Variants in RALA observed in about 807,000 individuals in gnomAD.
The protein encoded by RALA is RAS like proto-oncogene A.
RALA carries 5 observed loss-of-function variants against 24.0 expected under a neutral mutation model. The observed-to-expected ratio is 0.21, with a 90% confidence interval of 0.11 to 0.44. The LOEUF is 0.44. Among genes scored for constraint, RALA ranks in the 20% least tolerant of loss-of-function variants. The pLI is 0.99. For synonymous variants in RALA, 77 were observed against 83.8 expected (o/e 0.92, Z 0.44); for missense variants, 95 against 241.2 (o/e 0.39, Z 4.01).
In RALA at chr7:39,707,696, A is replaced by T. The variant is rs947283545; in HGVS notation, c.*1451A>T. 3 of 152,554 alleles carry T rather than the reference A, an allele frequency of 2.0e-5. No homozygotes were observed. Among genetic ancestry groups the T allele is most frequent in the Non-Finnish European group, 2.9e-5 (2 of 68,032 alleles). 9.5% of individuals were successfully genotyped at this position (152,554 alleles called of 1,614,324 possible). ...CAGTCCTAATTTGAACAGGTCAAAG[A>T]TGTGTTCAGGCATTCCAGGTAACAG... On this transcript the variant is annotated 3_prime_UTR_variant, in exon 5 of 5. Coordinates refer to ENST00000005257, the MANE Select transcript of RALA (RefSeq NM_005402.4).
intron 1 of RALA, among the ~76,000 whole-genome samples, chr7:39,660,341 CAA>C (rs35395402): frequency 1.3e-4 from 17 of 130,162 alleles, no homozygotes; most frequent in South Asian, 2.3e-4. Flanking sequence ...GACTCCATCT[CAA>C]AAAAAAAAAA....
At chr7:39,631,475 C>G (rs1397929206) in intron 1 of RALA, among the ~76,000 whole-genome samples, 2 of 152,220 alleles carry the variant, frequency 1.3e-5, no homozygotes, top group East Asian at 1.9e-4. Flanking sequence ...CCTCCTGCCT[C>G]AGCCACCCAA....
chr7:39,675,740 A>T (rs1001814705), intron 1 of RALA, among the ~76,000 whole-genome samples: 15 of 114,290 alleles, frequency 1.3e-4, no homozygotes, highest in East Asian at 2.3e-4. Context: ...CTGGGAAATT[A>T]AAAAAAAAAA....
In RALA at chr7:39,699,118, G is replaced by GTTTTTTTTTTTTTT. The variant is rs1209729467; in HGVS notation, c.498+2261_498+2262insTTTTTTTTTTTTTT. Among the ~76,000 whole-genome samples the GTTTTTTTTTTTTTT allele has an allele frequency of 9.5e-5, 8 of 84,136 alleles. 1 individual carries two copies. Among genetic ancestry groups the GTTTTTTTTTTTTTT allele is most frequent in the African/African-American group, 3.8e-4 (8 of 21,314 alleles). 55.2% of individuals were successfully genotyped at this position (84,136 alleles called of 152,430 possible). On this transcript the variant is annotated intron_variant, in intron 4 of 4. Transcript: ENST00000005257. ...ACCCAGCAATTTAAGTGCTAAAAAT[G>GTTTTTTTTTTTTTT]TTATTTTTTTTTTTTTTTTTTTTTT...
chr7:39,628,143 A>G (rs1791526340), intron 1 of RALA, among the ~76,000 whole-genome samples: 1 of 151,556 alleles, frequency 6.6e-6, no homozygotes, highest in African/African-American at 2.4e-5. Flanking sequence ...GTATACTCCT[A>G]CTGGTCCTTC....
intron 1 of RALA, among the ~76,000 whole-genome samples, chr7:39,670,924 C>T (rs1792370882): frequency 6.6e-6 from 1 of 152,056 alleles, no homozygotes; most frequent in African/African-American, 2.4e-5. Flanking sequence ...CTCTTCTCTC[C>T]CCTCCTACTC....
chr7:39,655,935 T>C (rs1285507959), intron 1 of RALA, among the ~76,000 whole-genome samples: 1 of 152,190 alleles, frequency 6.6e-6, no homozygotes, highest in Non-Finnish European at 1.5e-5. Flanking sequence ...GATTTTCACC[T>C]ATGAGCAATG....
At position 39,690,586 on chromosome 7, in the gene RALA, T is replaced by C; in HGVS notation, c.319T>C (p.Phe107Leu). 1 of 1,606,876 alleles carries C rather than the reference T, an allele frequency of 6.2e-7. No individual in the cohort carries two copies. The highest frequency in any genetic ancestry group is 8.5e-7 in the Non-Finnish European group (1 of 1,174,688). The change falls in exon 3 of 5, where the codon TTC (phenylalanine) becomes CTC (leucine). Residue 107 changes from phenylalanine (F) to leucine (L), a missense_variant. Physicochemically the swap from Phe to Leu is conservative, Grantham distance 22. Coordinates refer to ENST00000005257, the MANE Select transcript of RALA (RefSeq NM_005402.4). ...EMESFAATAD[F>L]REQILRVKED... ...GGAATCCTTTGCAGCTACAGCTGACTTCAGGTATGTCCTAGAGTAATGTTG... is the reference window on the plus strand; with the variant it reads ...GGAATCCTTTGCAGCTACAGCTGACCTCAGGTATGTCCTAGAGTAATGTTG...
chr7:39,655,964 TTAAG>T (rs1333463981), intron 1 of RALA, among the ~76,000 whole-genome samples: 6 of 152,210 alleles, frequency 3.9e-5, no homozygotes, highest in Admixed American at 1.3e-4. Flanking sequence ...CTGAAGAATT[TTAAG>T]TAAGCTGAGT....
At position 39,646,506 on chromosome 7, in the gene RALA, C is replaced by T. The variant is rs1449222519; in HGVS notation, c.-38+22681C>T. On this transcript the variant is annotated intron_variant, in intron 1 of 4. Coordinates refer to ENST00000005257, the MANE Select transcript of RALA (RefSeq NM_005402.4). ...AGATGTGGCAGCACACATCTGTGGT[C>T]CCAGCTACTCAGGAGGCTGAGGCAG... is the stretch of plus-strand genomic sequence containing the variant. 2.6e-5 allele frequency among the ~76,000 whole-genome samples: 4 copies of T among 151,900 alleles called. No individual in the cohort carries two copies. The South Asian group carries it at 8.3e-4, about 32-fold the overall frequency.
chr7:39,705,132 G>A lies in RALA; in HGVS notation c.499-991G>A, dbSNP rs964001230. On this transcript the variant is annotated intron_variant, in intron 4 of 4. Transcript: ENST00000005257. ...TTGGTTTATTATTTCATTGTTCTTT[G>A]TGCAAGGGCGAACAAATCCATGTAT... Among the ~76,000 whole-genome samples the A allele has an allele frequency of 2.0e-5, 3 of 152,060 alleles. No individual in the cohort carries two copies. In the South Asian group the frequency reaches 6.2e-4, roughly 32 times the overall value.
chr7:39,664,801 C>T (rs1792255362), intron 1 of RALA, among the ~76,000 whole-genome samples: 1 of 145,378 alleles, frequency 6.9e-6, no homozygotes, highest in African/African-American at 2.6e-5. Context: ...AGTTGGTGGA[C>T]GTGCCAAAAA....
intron 1 of RALA, among the ~76,000 whole-genome samples, chr7:39,644,666 C>CA (rs1791894736): frequency 6.6e-6 from 1 of 152,190 alleles, no homozygotes; most frequent in African/African-American, 2.4e-5. Flanking sequence ...TTGCCATAAA[C>CA]AGAGTACTGC....
intron 1 of RALA, among the ~76,000 whole-genome samples, chr7:39,645,588 AG>A (rs1284618654): frequency 6.6e-6 from 1 of 152,204 alleles, no homozygotes; most frequent in Non-Finnish European, 1.5e-5. Context: ...ATAACCTTTT[AG>A]GGGAGACAGT....
chr7:39,641,126 G>A (rs1308605201), intron 1 of RALA, among the ~76,000 whole-genome samples: 7 of 152,112 alleles, frequency 4.6e-5, no homozygotes, highest in Non-Finnish European at 7.4e-5. Context: ...TTGTGATGGG[G>A]TAAGGAGGGG....
At chr7:39,683,397 C>A (rs969534557) in intron 1 of RALA, among the ~76,000 whole-genome samples, 1 of 152,190 alleles carries the variant, frequency 6.6e-6, no homozygotes, top group Non-Finnish European at 1.5e-5. Flanking sequence ...TCAAATGCCA[C>A]CTCTTCAGAG....
chr7:39,674,819 C>CTTTTTTTT (rs11452061), intron 1 of RALA, among the ~76,000 whole-genome samples: 16 of 96,686 alleles, frequency 1.7e-4, no homozygotes, highest in African/African-American at 2.5e-4. Flanking sequence ...TAATTTTATG[C>CTTTTTTTT]TTTTTTTTTT....
At chr7:39,700,099 AG>A (rs1173584556) in intron 4 of RALA, among the ~76,000 whole-genome samples, 6 of 152,158 alleles carry the variant, frequency 3.9e-5, no homozygotes, top group African/African-American at 1.4e-4. Flanking sequence ...ATAGATACTG[AG>A]GTACGACTAT....
intron 1 of RALA, among the ~76,000 whole-genome samples, chr7:39,678,378 C>T (rs1792526686): frequency 6.6e-6 from 1 of 152,088 alleles, no homozygotes; most frequent in South Asian, 2.1e-4. Flanking sequence ...GCACCTAGCA[C>T]AGTGCCTTAC....
Sources: allele counts gnomAD v4.1 joint callset (sites outside exome capture counted in the v4.1 genomes callset), GRCh38; gene constraint gnomAD v4.1.1; transcripts MANE v1.5; gene names NCBI Gene and HGNC (gene_info 2026-07-23, HGNC 2026-07-21).